The following ETFA variants were observed in gnomAD, a reference collection of about 807,000 sequenced individuals.
ETFA encodes the protein electron transfer flavoprotein subunit alpha, mitochondrial.
A neutral mutation model predicts 46.2 loss-of-function variants in ETFA; 22 were observed. The observed-to-expected ratio is 0.48, with a 90% CI of 0.34 to 0.68. The LOEUF (loss-of-function observed/expected upper bound fraction) is 0.68. ETFA is among the 30% of genes least tolerant of loss of function. ETFA has a pLI of 0.01. For synonymous variants in ETFA, 131 were observed against 139.9 expected (o/e 0.94, Z 0.45); for missense variants, 345 against 401.1 (o/e 0.86, Z 1.19).
At position 76,274,578 on chromosome 15, in the gene ETFA, CATTG is replaced by C. The variant is rs1022657267; in HGVS notation, c.734-88_734-85del. ...ATTCACTGATAACTGTAAACAAAGA[CATTG>C]ATTTAGAATTCTAAGTACTAGTATA... On this transcript the variant is annotated intron_variant, in intron 8 of 11. Transcript: ENST00000557943. 74 of 1,088,222 alleles carry C rather than the reference CATTG, an allele frequency of 6.8e-5. No homozygotes were observed. The African/African-American group carries it at 9.8e-4, about 14-fold the overall frequency. The allele number at this position is 1,088,222 out of a possible 1,614,324, so 67.4% of individuals were successfully genotyped here. A position where few individuals can be genotyped will look rare whatever the true frequency, so the allele number is the denominator to read the frequency against.
rs75987428 is a variant in ETFA, at chr15:76,286,693, G to A, written c.452-212C>T. Among the ~76,000 whole-genome samples the A allele has an allele frequency of 5.6e-3, 845 of 152,226 alleles. 15 individuals carry two copies. The highest frequency in any genetic ancestry group is 0.02 in the African/African-American group (812 of 41,532). On this transcript the variant is annotated intron_variant, in intron 5 of 11. Transcript: ENST00000557943. ...TAACCCTGGATGTCTTTAAAAGCAG[G>A]ACAGGTACTACCACACCTAGAAGGA...
chr15:76,280,684 T>C (rs2039639257), intron 8 of ETFA, among the ~76,000 whole-genome samples: 1 of 152,336 alleles, frequency 6.6e-6, no homozygotes. Flanking sequence ...CAATGTCCTA[T>C]AAGGCCCTAT....
At chr15:76,258,995 A>G in intron 9 of ETFA, 3 of 1,603,818 alleles carry the variant, frequency 1.9e-6, no homozygotes, top group Middle Eastern at 1.7e-4. Flanking sequence ...GCTAACAGCT[A>G]TTGTGTGGCA....
chr15:76,275,724 C>T (rs1418147841), intron 8 of ETFA, among the ~76,000 whole-genome samples: 3 of 152,092 alleles, frequency 2.0e-5, no homozygotes, highest in African/African-American at 7.2e-5. Context: ...TTCATTTTGT[C>T]TCTTTTCTTA....
intron 1 of ETFA, among the ~76,000 whole-genome samples, chr15:76,305,859 G>GTTTTT (rs145324866): frequency 8.9e-5 from 13 of 146,612 alleles, no homozygotes; most frequent in Admixed American, 6.9e-5. Flanking sequence ...AACCTCAATA[G>GTTTTT]TTGTTTTTTT....
chr15:76,259,078 C>G, intron 9 of ETFA: 1 of 1,578,462 alleles, frequency 6.3e-7, no homozygotes, highest in African/African-American at 1.3e-5. Context: ...TCTGCCTGCC[C>G]TGGCTGCTCA....
Position 76,252,316 on chromosome 15 carries a change from C to T in ETFA, c.817-20918G>A, listed in dbSNP as rs2039306622. On this transcript the variant is annotated intron_variant, in intron 9 of 11. Coordinates refer to ENST00000557943, the MANE Select transcript of ETFA (RefSeq NM_000126.4). ...ATTGTACATTCTACAACTCAGCCTC[C>T]AGTGCTGGGATTATAGGCATGAGCC... is the stretch of plus-strand genomic sequence containing the variant. 2.0e-5 allele frequency among the ~76,000 whole-genome samples: 3 copies of T among 152,194 alleles called. No individual in the cohort carries two copies. The South Asian group carries it at 6.2e-4, about 32-fold the overall frequency.
chr15:76,247,528 G>A (rs957768592), intron 9 of ETFA, among the ~76,000 whole-genome samples: 7 of 152,032 alleles, frequency 4.6e-5, no homozygotes, highest in South Asian at 2.1e-4. Flanking sequence ...CCACTGAACC[G>A]CAACCATGAT....
chr15:76,296,432 C>T (rs920090617), intron 1 of ETFA, among the ~76,000 whole-genome samples: 3 of 152,150 alleles, frequency 2.0e-5, no homozygotes, highest in Non-Finnish European at 2.9e-5. Flanking sequence ...TCAAATTCTA[C>T]TACCAATTAC....
intron 9 of ETFA, among the ~76,000 whole-genome samples, chr15:76,267,070 G>T (rs1292624380): frequency 1.3e-5 from 2 of 152,200 alleles, no homozygotes; most frequent in Admixed American, 1.3e-4. Flanking sequence ...AACAGTAAAT[G>T]CTCCCTGTTC....
intron 9 of ETFA, among the ~76,000 whole-genome samples, chr15:76,234,885 CTCAT>C (rs1361574267): frequency 6.6e-6 from 1 of 152,182 alleles, no homozygotes; most frequent in African/African-American, 2.4e-5. Flanking sequence ...AACCTATAGA[CTCAT>C]TCAAAGAACT....
chr15:76,258,655 T>A (rs2039371175), intron 9 of ETFA, among the ~76,000 whole-genome samples: 1 of 152,204 alleles, frequency 6.6e-6, no homozygotes, highest in Non-Finnish European at 1.5e-5. Flanking sequence ...CCTACAGGGC[T>A]GGACCTGGAC....
intron 9 of ETFA, chr15:76,259,025 CA>C: frequency 6.2e-7 from 1 of 1,607,346 alleles, no homozygotes; most frequent in Non-Finnish European, 8.5e-7. Flanking sequence ...GCTGCAGCAG[CA>C]AAAGCCTCTG....
chr15:76,226,911 T>G (rs557904257), intron 10 of ETFA, among the ~76,000 whole-genome samples: 9 of 152,226 alleles, frequency 5.9e-5, no homozygotes, highest in Admixed American at 2.0e-4. Context: ...TAAAATACAA[T>G]AGAATAAAAT....
At chr15:76,291,350 C>A (rs186926344) in intron 4 of ETFA, among the ~76,000 whole-genome samples, 3 of 148,404 alleles carry the variant, frequency 2.0e-5, no homozygotes, top group African/African-American at 7.5e-5. Context: ...GAGGCTGAGG[C>A]AGGAGAATGG....
intron 9 of ETFA, among the ~76,000 whole-genome samples, chr15:76,268,601 C>T (rs1445013999): frequency 1.3e-5 from 2 of 152,186 alleles, no homozygotes; most frequent in Admixed American, 6.5e-5. Context: ...ACCCTAAATA[C>T]AAGAGACCCT....
chr15:76,311,422 G>A lies in ETFA; in HGVS notation c.-34C>T, dbSNP rs1480052260. 4.5e-6 allele frequency: 7 copies of A among 1,548,412 alleles called. No homozygotes were observed. The highest frequency in any genetic ancestry group is 6.1e-6 in the Non-Finnish European group (7 of 1,148,158). On this transcript the variant is annotated 5_prime_UTR_variant, in exon 1 of 12. Transcript: ENST00000557943. ...CTTCCGCCGCAACCTCGGCCTTACA[G>A]CAGCCCCGTGCCCGGCCAACTGGCG...
At chr15:76,310,693 G>T (rs2039988418) in intron 1 of ETFA, among the ~76,000 whole-genome samples, 1 of 152,232 alleles carries the variant, frequency 6.6e-6, no homozygotes, top group African/African-American at 2.4e-5. Flanking sequence ...AAGCAGGTCA[G>T]CCTGAAGCAT....
intron 1 of ETFA, among the ~76,000 whole-genome samples, chr15:76,297,941 G>A (rs138808287): frequency 9.9e-5 from 15 of 152,198 alleles, no homozygotes; most frequent in East Asian, 3.9e-4. Flanking sequence ...CAGCAATAGC[G>A]GTTGTGTAGA....
Sources: allele counts gnomAD v4.1 joint callset (sites outside exome capture counted in the v4.1 genomes callset), GRCh38; gene constraint gnomAD v4.1.1; transcripts MANE v1.5; gene names NCBI Gene and HGNC (gene_info 2026-07-23, HGNC 2026-07-21).